GPC6: variants seen among roughly 807,000 people sequenced by gnomAD.
GPC6 encodes the protein glypican 6, also known as glypican-6.
In GPC6, 14 loss-of-function variants were observed where a neutral mutation model predicts 55.2. The ratio of observed to expected loss-of-function variants is 0.25; its 90% CI spans 0.17 to 0.40. The LOEUF (loss-of-function observed/expected upper bound fraction) is 0.40. Among genes scored for constraint, GPC6 ranks in the 10% least tolerant of loss-of-function variants. The pLI, the probability that GPC6 is intolerant of heterozygous loss-of-function variation, is 1.00. For missense variants in GPC6, 641 were observed against 708.5 expected (o/e 0.90, Z 1.08); for synonymous variants, 278 against 259.6 (o/e 1.07, Z -0.68).
chr13:93,331,541 A>G (rs1043557529), intron 1 of GPC6, among the ~76,000 whole-genome samples: 1 of 152,212 alleles, frequency 6.6e-6, no homozygotes, highest in Non-Finnish European at 1.5e-5. Flanking sequence ...TTTTTATCTT[A>G]TATAAGCATA....
At chr13:93,392,900 A>C (rs2139219943) in intron 1 of GPC6, among the ~76,000 whole-genome samples, 1 of 152,178 alleles carries the variant, frequency 6.6e-6, no homozygotes, top group South Asian at 2.1e-4. Context: ...CATGCCTTAA[A>C]ATCTAAACCC....
chr13:93,252,371 T>A (rs1237126156), intron 1 of GPC6, among the ~76,000 whole-genome samples: 1 of 152,232 alleles, frequency 6.6e-6, no homozygotes, highest in Non-Finnish European at 1.5e-5. Flanking sequence ...TCTAGAAATT[T>A]CCATCTGATA....
intron 1 of GPC6, among the ~76,000 whole-genome samples, chr13:93,513,557 C>T (rs899507870): frequency 6.6e-6 from 1 of 152,050 alleles, no homozygotes. Context: ...GTTCTTCTGC[C>T]TTGTGGTGTT....
In GPC6 at chr13:94,327,969, T is replaced by TC. The variant is rs1006664854; in HGVS notation, c.1152+21850dup. Among the ~76,000 whole-genome samples the TC allele has an allele frequency of 1.2e-3, 180 of 152,028 alleles. 1 individual carries two copies. The highest frequency in any genetic ancestry group is 4.0e-3 in the African/African-American group (165 of 41,470). ...TCATCCAAGCATGCTTCCTCCCCCT[T>TC]CCCCTCCGATTTTGTTGGGAGAAAA... On this transcript the variant is annotated intron_variant, in intron 6 of 8. Coordinates refer to ENST00000377047, the MANE Select transcript of GPC6 (RefSeq NM_005708.5).
intron 1 of GPC6, among the ~76,000 whole-genome samples, chr13:93,427,332 A>G (rs910351887): frequency 1.3e-5 from 2 of 151,648 alleles, no homozygotes; most frequent in African/African-American, 2.4e-5. Flanking sequence ...GAGGCATCAC[A>G]CTACCTGACT....
intron 6 of GPC6, among the ~76,000 whole-genome samples, chr13:94,335,165 T>C (rs1481985134): frequency 1.3e-5 from 2 of 152,128 alleles, no homozygotes; most frequent in Non-Finnish European, 2.9e-5. Context: ...TCTGGCCCTC[T>C]GGAGGGCAAC....
At chr13:93,955,598 G>A (rs1245517692) in intron 3 of GPC6, among the ~76,000 whole-genome samples, 1 of 152,084 alleles carries the variant, frequency 6.6e-6, no homozygotes, top group Non-Finnish European at 1.5e-5. Flanking sequence ...CTTTTTGCGA[G>A]CAGAAGATGA....
At chr13:94,059,006 G>T (rs1302459091) in intron 4 of GPC6, among the ~76,000 whole-genome samples, 2 of 151,722 alleles carry the variant, frequency 1.3e-5, no homozygotes, top group Non-Finnish European at 2.9e-5. Context: ...AGCATTCTTG[G>T]CTCAACTCTA....
rs544180368 is a variant in GPC6, at chr13:93,234,073, T to C, written c.160+6457T>C. Among the ~76,000 whole-genome samples the C allele has an allele frequency of 1.2e-3, 187 of 152,182 alleles. 1 individual carries two copies. The highest frequency in any genetic ancestry group is 2.4e-3 in the Non-Finnish European group (161 of 68,044). On this transcript the variant is annotated intron_variant, in intron 1 of 8. Coordinates refer to ENST00000377047, the MANE Select transcript of GPC6 (RefSeq NM_005708.5). ...AAACTGTACCTGTCTGCTAGCCATATGTAAGACAACCCTGGGGTGATCAAA... is the reference window on the plus strand; with the variant it reads ...AAACTGTACCTGTCTGCTAGCCATACGTAAGACAACCCTGGGGTGATCAAA...
chr13:93,732,727 CT>C (rs1323883917), intron 2 of GPC6, among the ~76,000 whole-genome samples: 1 of 151,990 alleles, frequency 6.6e-6, no homozygotes, highest in Non-Finnish European at 1.5e-5. Context: ...TAGATTTTGT[CT>C]TTTTATATGG....
chr13:93,859,629 CAGT>C (rs1055665961), intron 3 of GPC6, among the ~76,000 whole-genome samples: 92 of 151,718 alleles, frequency 6.1e-4, no homozygotes, highest in African/African-American at 2.2e-3. Flanking sequence ...AATTACGCAT[CAGT>C]AGTTTTCCCT....
At chr13:94,346,961 A>T (rs916502357) in intron 6 of GPC6, among the ~76,000 whole-genome samples, 3 of 152,110 alleles carry the variant, frequency 2.0e-5, no homozygotes, top group African/African-American at 7.2e-5. Flanking sequence ...CTAGTTCATT[A>T]TTTTCCACAG....
At chr13:94,149,602 TATC>T (rs886743834) in intron 4 of GPC6, among the ~76,000 whole-genome samples, 1 of 152,088 alleles carries the variant, frequency 6.6e-6, no homozygotes, top group Non-Finnish European at 1.5e-5. Context: ...ATGAGTAAGT[TATC>T]ATATTTGGAA....
rs539010774 is a variant in GPC6, at chr13:94,271,051, G to A, written c.878-15298G>A. On this transcript the variant is annotated intron_variant, in intron 4 of 8. Coordinates refer to ENST00000377047, the MANE Select transcript of GPC6 (RefSeq NM_005708.5). Reference sequence around the variant, plus strand: ...GTCGCCCAGGCTGGAGTGCAGTGGCGCAATCTCGGCTCACTGCAAGCTCCA... The same window carrying A: ...GTCGCCCAGGCTGGAGTGCAGTGGCACAATCTCGGCTCACTGCAAGCTCCA... Among the ~76,000 whole-genome samples, 340 of 133,456 alleles carry A rather than the reference G, an allele frequency of 2.5e-3. 4 individuals are homozygous for A. Among genetic ancestry groups the A allele is most frequent in the African/African-American group, 9.3e-3 (326 of 34,976 alleles). 87.6% of individuals were successfully genotyped at this position (133,456 alleles called of 152,430 possible). A position where few individuals can be genotyped will look rare whatever the true frequency, so the allele number is the denominator to read the frequency against.
chr13:93,471,063 G>A (rs1445697704), intron 1 of GPC6, among the ~76,000 whole-genome samples: 1 of 151,906 alleles, frequency 6.6e-6, no homozygotes, highest in East Asian at 1.9e-4. Context: ...ATCAGTTTTT[G>A]TTGTTACTGA....
intron 1 of GPC6, among the ~76,000 whole-genome samples, chr13:93,426,160 G>A (rs993022246): frequency 6.6e-6 from 1 of 152,116 alleles, no homozygotes; most frequent in African/African-American, 2.4e-5. Flanking sequence ...GAAAATTATT[G>A]TAACAGAAAC....
chr13:93,895,864 T>C (rs766561229), intron 3 of GPC6, among the ~76,000 whole-genome samples: 1 of 152,008 alleles, frequency 6.6e-6, no homozygotes, highest in Admixed American at 6.6e-5. Context: ...AGTAGAATGA[T>C]GGTTACCAGA....
At chr13:94,265,524 C>T (rs1351231278) in intron 4 of GPC6, among the ~76,000 whole-genome samples, 3 of 152,142 alleles carry the variant, frequency 2.0e-5, no homozygotes, top group African/African-American at 7.2e-5. Flanking sequence ...CACTGACTCA[C>T]ATGTTAATAT....
At chr13:93,825,410 G>C (rs1450638614) in intron 2 of GPC6, among the ~76,000 whole-genome samples, 1 of 152,186 alleles carries the variant, frequency 6.6e-6, no homozygotes, top group Non-Finnish European at 1.5e-5. Flanking sequence ...TAGCACACAA[G>C]CTGCAGCTTG....
Sources: allele counts gnomAD v4.1 joint callset (sites outside exome capture counted in the v4.1 genomes callset), GRCh38; gene constraint gnomAD v4.1.1; transcripts MANE v1.5; gene names NCBI Gene and HGNC (gene_info 2026-07-23, HGNC 2026-07-21).